The following RRP15 variants were observed in gnomAD, a reference collection of about 807,000 sequenced individuals.
RRP15 encodes RRP15-like protein.
A neutral mutation model predicts 27.1 loss-of-function variants in RRP15; 18 were observed. That is an observed-to-expected ratio of 0.66 (90% CI 0.46 to 0.98). RRP15 has a LOEUF of 0.98. RRP15 is among the 50% of genes least tolerant of loss of function. The pLI, the probability that RRP15 is intolerant of heterozygous loss-of-function variation, is 0.00. For synonymous variants in RRP15, 107 were observed against 109.4 expected (o/e 0.98, Z 0.14); for missense variants, 359 against 337.8 (o/e 1.06, Z -0.49).
intron 4 of RRP15, among the ~76,000 whole-genome samples, chr1:218,328,434 G>A (rs555216203): frequency 3.9e-5 from 6 of 152,188 alleles, no homozygotes; most frequent in East Asian, 1.9e-4. Context: ...AGGCCAAGGC[G>A]GGCAGATCAT....
Position 218,333,091 on chromosome 1 carries a change from T to A in RRP15, c.*2000T>A, listed in dbSNP as rs1656398812. 6.6e-6 allele frequency: 1 copy of A among 152,130 alleles called. No individual in the cohort carries two copies. The highest frequency in any genetic ancestry group is 1.5e-5 in the Non-Finnish European group (1 of 68,016). 9.4% of individuals were successfully genotyped at this position (152,130 alleles called of 1,614,324 possible). ...TTTGATTTGAAAAAATTTGACAAGA[T>A]CTTCACATTGAAAGTAAGGACGAGA... On this transcript the variant is annotated 3_prime_UTR_variant, in exon 5 of 5. Coordinates refer to ENST00000366932, the MANE Select transcript of RRP15 (RefSeq NM_016052.4).
intron 4 of RRP15, 77 bp from the exon 5 acceptor site, chr1:218,330,871 G>A: frequency 7.5e-7 from 1 of 1,340,830 alleles, no homozygotes; most frequent in Non-Finnish European, 1.0e-6. Context: ...TGAAAAGTTT[G>A]TTTTGTAGCT....
At chr1:218,329,237 CAAAAAAAAAAAAAA>C (rs1164512474) in intron 4 of RRP15, among the ~76,000 whole-genome samples, 40 of 53,578 alleles carry the variant, frequency 7.5e-4, no homozygotes, top group African/African-American at 1.7e-3. Context: ...CCTGTCTCTA[CAAAAAAAAAAAAAA>C]AAAAAAAAAA....
chr1:218,321,828 CTTTT>C (rs1010886479), intron 4 of RRP15, among the ~76,000 whole-genome samples: 1 of 148,768 alleles, frequency 6.7e-6, no homozygotes, highest in Non-Finnish European at 1.5e-5. Context: ...TTGCCTCAGG[CTTTT>C]TTTTTTCTTT....
Position 218,285,344 on chromosome 1 carries a change from G to T in RRP15, c.28G>T (p.Val10Leu), listed in dbSNP as rs768170130. 3.7e-6 allele frequency: 6 copies of T among 1,614,062 alleles called. No homozygotes were observed. Among genetic ancestry groups the T allele is most frequent in the African/African-American group, 2.7e-5 (2 of 74,922 alleles). ...GGCAGCCGCCGCTCCGGACTCACGTGTGAGTGAGGAAGAAAACCTGAAAAA... is the reference window on the plus strand; with the variant it reads ...GGCAGCCGCCGCTCCGGACTCACGTTTGAGTGAGGAAGAAAACCTGAAAAA... MAAAAPDSR[V>L]SEEENLKKTP... Residue 10 changes from valine to leucine, a missense_variant, in exon 1 of 5, where the codon GTG becomes TTG. Val to Leu is a conservative substitution (Grantham distance 32). Transcript: ENST00000366932.
chr1:218,314,707 T>C (rs947875097), intron 4 of RRP15, among the ~76,000 whole-genome samples: 19 of 152,032 alleles, frequency 1.2e-4, no homozygotes, highest in Non-Finnish European at 2.6e-4. Context: ...GAAAATGATT[T>C]TTTGGCGGGA....
chr1:218,334,042 G>T lies in RRP15; in HGVS notation c.*2951G>T, dbSNP rs1386774627. The T allele has an allele frequency of 2.0e-5, 3 of 151,898 alleles. No homozygotes were observed. Among genetic ancestry groups the T allele is most frequent in the African/African-American group, 7.3e-5 (3 of 41,326 alleles). The allele number at this position is 151,898 out of a possible 1,614,324, so 9.4% of individuals were successfully genotyped here. On this transcript the variant is annotated 3_prime_UTR_variant, in exon 5 of 5. Coordinates refer to ENST00000366932, the MANE Select transcript of RRP15 (RefSeq NM_016052.4). ...ATATATAGAATATTCTAGATACTTG[G>T]ATGGCTGGGGTTGATGTTCTTAGTA...
intron 4 of RRP15, among the ~76,000 whole-genome samples, chr1:218,324,293 C>T (rs563356762): frequency 3.7e-4 from 56 of 152,342 alleles, no homozygotes; most frequent in African/African-American, 1.2e-3. Flanking sequence ...ATGAACCCGA[C>T]GCTCTGGGGG....
At chr1:218,307,342 GA>G in intron 3 of RRP15, 88 bp from the exon 4 acceptor site, 1 of 1,123,416 alleles carries the variant, frequency 8.9e-7, no homozygotes, top group Non-Finnish European at 1.3e-6. Flanking sequence ...CTCTTTTCTA[GA>G]CAGTGAAAAT....
intron 1 of RRP15, among the ~76,000 whole-genome samples, chr1:218,300,319 CTTTATT>C (rs1290883608): frequency 6.7e-6 from 1 of 149,454 alleles, no homozygotes; most frequent in African/African-American, 2.4e-5. Flanking sequence ...TTTGAAGATA[CTTTATT>C]TTTACTCATG....
At chr1:218,326,950 T>A (rs1463581202) in intron 4 of RRP15, among the ~76,000 whole-genome samples, 4 of 152,226 alleles carry the variant, frequency 2.6e-5, no homozygotes, top group Non-Finnish European at 1.5e-5. Flanking sequence ...CAGAAGTCCC[T>A]GATACATACT....
At chr1:218,286,477 T>C (rs1655550581) in intron 1 of RRP15, among the ~76,000 whole-genome samples, 1 of 152,234 alleles carries the variant, frequency 6.6e-6, no homozygotes, top group Non-Finnish European at 1.5e-5. Flanking sequence ...CCAGAGAGAC[T>C]TGTCCCTGAC....
At chr1:218,299,789 G>T (rs2102496499) in intron 1 of RRP15, among the ~76,000 whole-genome samples, 1 of 152,246 alleles carries the variant, frequency 6.6e-6, no homozygotes, top group Admixed American at 6.5e-5. Flanking sequence ...TGACTCTGAA[G>T]AGTAAAACAT....
chr1:218,305,638 A>C (rs1655887622), intron 3 of RRP15, among the ~76,000 whole-genome samples: 1 of 152,244 alleles, frequency 6.6e-6, no homozygotes, highest in African/African-American at 2.4e-5. Flanking sequence ...CTTTGAGAGT[A>C]GAATTATGTC....
At chr1:218,293,227 C>T (rs1272760804) in intron 1 of RRP15, among the ~76,000 whole-genome samples, 1 of 151,952 alleles carries the variant, frequency 6.6e-6, no homozygotes. Context: ...TAATATAGGT[C>T]TGTTGGTTAA....
rs1656425907 is a variant in RRP15, at chr1:218,334,846, C to G, written c.*3755C>G. 1 of 152,284 alleles carries G rather than the reference C, an allele frequency of 6.6e-6. No individual in the cohort carries two copies. The highest frequency in any genetic ancestry group is 2.1e-4 in the South Asian group (1 of 4,826). The allele number at this position is 152,284 out of a possible 1,614,324, so 9.4% of individuals were successfully genotyped here. A position where few individuals can be genotyped will look rare whatever the true frequency, so the allele number is the denominator to read the frequency against. ...TATAAAAAGCTCTCTCACTCCTTCC[C>G]CAAGAAAACAGGAGTCTGAATTTTG... On this transcript the variant is annotated 3_prime_UTR_variant, in exon 5 of 5. Coordinates refer to ENST00000366932, the MANE Select transcript of RRP15 (RefSeq NM_016052.4).
intron 4 of RRP15, among the ~76,000 whole-genome samples, chr1:218,325,962 A>G (rs1347877117): frequency 1.3e-5 from 2 of 152,080 alleles, no homozygotes; most frequent in Non-Finnish European, 2.9e-5. Flanking sequence ...TTCTTCCACC[A>G]TATTTTTAAT....
chr1:218,327,893 A>C (rs1656300110), intron 4 of RRP15, among the ~76,000 whole-genome samples: 1 of 152,238 alleles, frequency 6.6e-6, no homozygotes, highest in African/African-American at 2.4e-5. Context: ...GTGAACAAAA[A>C]CCATCACTAA....
Position 218,305,120 on chromosome 1 carries a change from A to C in RRP15, c.498A>C (p.Ala166=), listed in dbSNP as rs1655878555. 1 of 1,611,772 alleles carries C rather than the reference A, an allele frequency of 6.2e-7. No homozygotes were observed. Among genetic ancestry groups the C allele is most frequent in the South Asian group, 1.1e-5 (1 of 91,042 alleles). The part of the protein sequence containing the change: ...KETERNLQRI[A]TRGVVQLFNA... Reference sequence around the variant, plus strand: ...CAGAGAGAAATCTTCAGAGAATTGCAACAAGGTAAGGTAGTGTTTTTGCCC... The same window carrying C: ...CAGAGAGAAATCTTCAGAGAATTGCCACAAGGTAAGGTAGTGTTTTTGCCC... The change falls in exon 3 of 5, where the codon GCA becomes GCC. Residue 166 remains alanine, a synonymous_variant. Transcript: ENST00000366932.
Sources: gnomAD v4.1 joint callset for allele counts (sites outside exome capture counted in the v4.1 genomes callset) on GRCh38, gnomAD v4.1.1 for gene constraint, MANE v1.5 for transcripts, NCBI Gene and HGNC (gene_info 2026-07-23, HGNC 2026-07-21) for gene names.